SGCZ: variants seen among roughly 807,000 people sequenced by gnomAD.
SGCZ encodes the protein sarcoglycan zeta, also known as zeta-sarcoglycan.
SGCZ carries 40 observed loss-of-function variants against 41.3 expected under a neutral mutation model. The observed-to-expected ratio is 0.97, with a 90% CI of 0.75 to 1.26. The LOEUF is 1.26. Ranked by LOEUF, SGCZ falls within the 50% of genes most tolerant of loss-of-function variation. The pLI is 0.00. For missense variants in SGCZ, 552 were observed against 369.8 expected (o/e 1.49, Z -4.04); for synonymous variants, 206 against 137.5 (o/e 1.50, Z -3.49).
intron 1 of SGCZ, among the ~76,000 whole-genome samples, chr8:14,972,488 T>C (rs1232120143): frequency 1.3e-5 from 2 of 152,192 alleles, no homozygotes; most frequent in African/African-American, 2.4e-5. Flanking sequence ...TTTGCTTATG[T>C]AGACCATTAA....
chr8:14,703,397 C>A (rs1375842521), intron 1 of SGCZ, among the ~76,000 whole-genome samples: 3 of 151,842 alleles, frequency 2.0e-5, no homozygotes, highest in African/African-American at 7.2e-5. Flanking sequence ...ACGACTTAGT[C>A]TTTTTATTAG....
intron 1 of SGCZ, among the ~76,000 whole-genome samples, chr8:15,063,120 C>T: frequency 6.6e-6 from 1 of 152,070 alleles, no homozygotes. Flanking sequence ...TTTTCTGGCT[C>T]AGCATTAATG....
intron 4 of SGCZ, among the ~76,000 whole-genome samples, chr8:14,166,288 T>G (rs1804207803): frequency 1.3e-5 from 2 of 152,210 alleles, no homozygotes; most frequent in Non-Finnish European, 1.5e-5. Context: ...GAAGACCTAT[T>G]GTCCTTGGTC....
At chr8:14,812,011 G>T (rs931606987) in intron 1 of SGCZ, among the ~76,000 whole-genome samples, 11 of 152,132 alleles carry the variant, frequency 7.2e-5, no homozygotes, top group African/African-American at 2.4e-4. Context: ...GGTATGGGAT[G>T]AGTATGGAAA....
At chr8:15,035,763 G>C (rs1419835449) in intron 1 of SGCZ, among the ~76,000 whole-genome samples, 1 of 151,956 alleles carries the variant, frequency 6.6e-6, no homozygotes, top group Non-Finnish European at 1.5e-5. Context: ...ATAATAAAGG[G>C]ATCAATTTAT....
rs148704154 is a variant in SGCZ at position 14,574,196 on chromosome 8, G to A, written c.40-19270C>T. ...ATAAAGAATAAGCCAAGATGCGGAT[G>A]TTGGGGCTCAGAAAACGATACTCCA... On this transcript the variant is annotated intron_variant, in intron 1 of 7. Transcript: ENST00000382080. Among the ~76,000 whole-genome samples the A allele has an allele frequency of 1.7e-3, 264 of 152,278 alleles. 1 individual carries two copies. The highest frequency in any genetic ancestry group is 3.1e-3 in the Non-Finnish European group (214 of 68,032).
chr8:14,609,067 T>A (rs2117334119), intron 1 of SGCZ, among the ~76,000 whole-genome samples: 1 of 152,316 alleles, frequency 6.6e-6, no homozygotes, highest in Non-Finnish European at 1.5e-5. Context: ...CAAATATTTG[T>A]TTTTATGATG....
intron 2 of SGCZ, among the ~76,000 whole-genome samples, chr8:14,439,557 C>T (rs10095181): frequency 2.6e-5 from 4 of 151,328 alleles, no homozygotes; most frequent in Middle Eastern, 3.2e-3. Flanking sequence ...AAAGGGAATT[C>T]GTAATATATA....
At chr8:14,900,757 A>T (rs1272458855) in intron 1 of SGCZ, among the ~76,000 whole-genome samples, 2 of 152,222 alleles carry the variant, frequency 1.3e-5, no homozygotes, top group African/African-American at 4.8e-5. Context: ...TAAAGATGCA[A>T]ATTGCATGAA....
intron 3 of SGCZ, among the ~76,000 whole-genome samples, chr8:14,268,577 T>A (rs939830072): frequency 6.6e-6 from 1 of 151,936 alleles, no homozygotes; most frequent in Non-Finnish European, 1.5e-5. Context: ...GGATAGTATT[T>A]AAACAAGTAT....
At chr8:14,484,916 ATAAG>A (rs1801632765) in intron 2 of SGCZ, among the ~76,000 whole-genome samples, 2 of 152,236 alleles carry the variant, frequency 1.3e-5, no homozygotes, top group South Asian at 4.1e-4. Flanking sequence ...ATTATTATAT[ATAAG>A]TATTACTAAA....
chr8:14,636,192 G>A (rs1563169007), intron 1 of SGCZ, among the ~76,000 whole-genome samples: 2 of 151,766 alleles, frequency 1.3e-5, no homozygotes, highest in Non-Finnish European at 2.9e-5. Context: ...TAGATGAAGC[G>A]GCAGACATAA....
chr8:15,193,719 C>G (rs1456135544), intron 1 of SGCZ, among the ~76,000 whole-genome samples: 1 of 151,254 alleles, frequency 6.6e-6, no homozygotes, highest in Admixed American at 6.6e-5. Context: ...TTAGTAGCTA[C>G]TGTTGAGTTG....
chr8:14,303,611 TA>T (rs1252693900), intron 3 of SGCZ, among the ~76,000 whole-genome samples: 4 of 152,094 alleles, frequency 2.6e-5, no homozygotes, highest in Non-Finnish European at 5.9e-5. Flanking sequence ...CGAATGACTC[TA>T]AAAAACTTCC....
At chr8:14,369,608 T>C (rs1009720972) in intron 2 of SGCZ, among the ~76,000 whole-genome samples, 1 of 152,044 alleles carries the variant, frequency 6.6e-6, no homozygotes, top group Non-Finnish European at 1.5e-5. Flanking sequence ...TTTGGGAATA[T>C]GAAAATACCC....
intron 1 of SGCZ, among the ~76,000 whole-genome samples, chr8:14,999,626 A>G (rs1381574768): frequency 3.3e-5 from 5 of 151,778 alleles, no homozygotes; most frequent in African/African-American, 7.3e-5. Context: ...TCTCTATGCA[A>G]TGTGGTGCTG....
At chr8:15,015,489 G>C (rs1256588310) in intron 1 of SGCZ, among the ~76,000 whole-genome samples, 6 of 152,068 alleles carry the variant, frequency 3.9e-5, no homozygotes, top group African/African-American at 1.2e-4. Context: ...CACGAGGTCA[G>C]CAGATGCAGA....
chr8:14,401,109 G>A (rs901023552), intron 2 of SGCZ, among the ~76,000 whole-genome samples: 15 of 152,160 alleles, frequency 9.9e-5, no homozygotes, highest in Admixed American at 9.2e-4. Flanking sequence ...GCAAGATACA[G>A]CTCCATTTAC....
intron 5 of SGCZ, among the ~76,000 whole-genome samples, chr8:14,162,071 G>A (rs1804064282): frequency 6.6e-6 from 1 of 152,138 alleles, no homozygotes; most frequent in Non-Finnish European, 1.5e-5. Flanking sequence ...GGCTAAGGAA[G>A]CACTTAGTCC....
Sources: allele counts gnomAD v4.1 joint callset (sites outside exome capture counted in the v4.1 genomes callset), GRCh38; gene constraint gnomAD v4.1.1; transcripts MANE v1.5; gene names NCBI Gene and HGNC (gene_info 2026-07-23, HGNC 2026-07-21).